Variants in QTMAN observed in about 807,000 individuals in gnomAD.
QTMAN encodes the protein tRNA-queuosine alpha-mannosyltransferase.
chr2:144,114,890 T>C, the QTMAN span, among the ~76,000 whole-genome samples: 1 of 152,184 alleles, frequency 6.6e-6, no homozygotes, highest in Non-Finnish European at 1.5e-5. Flanking sequence ...TGCAGGCATA[T>C]GTTAAGGCAG....
At chr2:144,326,480 G>A in the QTMAN span, among the ~76,000 whole-genome samples, 58 of 151,734 alleles carry the variant, frequency 3.8e-4, no homozygotes, top group African/African-American at 1.3e-3. Flanking sequence ...CCAGCTACTC[G>A]GGAGGCTGAG....
At chr2:144,179,926 A>G in the QTMAN span, among the ~76,000 whole-genome samples, 3 of 152,164 alleles carry the variant, frequency 2.0e-5, no homozygotes, top group African/African-American at 4.8e-5. Flanking sequence ...GAATAATGTC[A>G]TATGGAATTT....
the QTMAN span, among the ~76,000 whole-genome samples, chr2:144,290,095 TC>T: frequency 6.6e-6 from 1 of 151,572 alleles, no homozygotes; most frequent in African/African-American, 2.4e-5. Context: ...GTACCTCACT[TC>T]CGTTTTCTTT....
chr2:144,220,719 G>A, the QTMAN span, among the ~76,000 whole-genome samples: 6 of 152,148 alleles, frequency 3.9e-5, no homozygotes, highest in Non-Finnish European at 4.4e-5. Flanking sequence ...GGGATCATTA[G>A]TCTGTCTACT....
the QTMAN span, among the ~76,000 whole-genome samples, chr2:144,186,127 T>C: frequency 5.9e-4 from 90 of 152,326 alleles, no homozygotes; most frequent in African/African-American, 2.0e-3. Flanking sequence ...TGGGTCAATA[T>C]ATCTACTAGG....
the QTMAN span, among the ~76,000 whole-genome samples, chr2:144,037,331 T>G: frequency 6.6e-6 from 1 of 152,222 alleles, no homozygotes; most frequent in African/African-American, 2.4e-5. Context: ...AACAATTAAG[T>G]GGTAAATATT....
the QTMAN span, among the ~76,000 whole-genome samples, chr2:144,231,193 G>A: frequency 1.3e-5 from 2 of 152,034 alleles, no homozygotes; most frequent in East Asian, 3.8e-4. Context: ...GTTAAGGGAA[G>A]ATTACTCATT....
At chr2:144,102,350 T>C in the QTMAN span, among the ~76,000 whole-genome samples, 1 of 152,238 alleles carries the variant, frequency 6.6e-6, no homozygotes, top group East Asian at 1.9e-4. Flanking sequence ...AGTAAATAGA[T>C]ACAGTGTATA....
chr2:144,264,359 C>A, the QTMAN span, among the ~76,000 whole-genome samples: 1 of 152,168 alleles, frequency 6.6e-6, no homozygotes, highest in Non-Finnish European at 1.5e-5. Flanking sequence ...AAATCCTTCA[C>A]CATCTGGTTC....
chr2:144,331,257 G>A, the QTMAN span, among the ~76,000 whole-genome samples: 1 of 152,052 alleles, frequency 6.6e-6, no homozygotes, highest in African/African-American at 2.4e-5. Context: ...TTGGTATGTG[G>A]GTTCCTACAT....
the QTMAN span, among the ~76,000 whole-genome samples, chr2:143,953,053 C>CAT: frequency 6.6e-6 from 1 of 151,746 alleles, no homozygotes; most frequent in African/African-American, 2.4e-5. Context: ...GAACCAACAG[C>CAT]ATATGTTTTG....
At chr2:144,204,546 G>T in the QTMAN span, among the ~76,000 whole-genome samples, 2 of 152,214 alleles carry the variant, frequency 1.3e-5, no homozygotes, top group African/African-American at 4.8e-5. Flanking sequence ...CTGTTGTTGG[G>T]ACTGTAAGCT....
the QTMAN span, among the ~76,000 whole-genome samples, chr2:144,197,715 C>G: frequency 6.6e-6 from 1 of 152,078 alleles, no homozygotes; most frequent in Non-Finnish European, 1.5e-5. Context: ...AGTTCCTTTC[C>G]TGCCTTCCAT....
chr2:144,100,859 C>CTTTCT, the QTMAN span, among the ~76,000 whole-genome samples: 1 of 77,920 alleles, frequency 1.3e-5, no homozygotes, highest in Non-Finnish European at 2.4e-5. Context: ...GTCTTTCTTT[C>CTTTCT]TTTTTTTTTT....
At chr2:144,179,674 C>A in the QTMAN span, among the ~76,000 whole-genome samples, 2 of 152,080 alleles carry the variant, frequency 1.3e-5, no homozygotes, top group African/African-American at 4.8e-5. Flanking sequence ...AACAGAAAGG[C>A]CTAAGATCCA....
the QTMAN span, among the ~76,000 whole-genome samples, chr2:144,020,343 G>A: frequency 6.6e-6 from 1 of 152,210 alleles, no homozygotes; most frequent in Non-Finnish European, 1.5e-5. Context: ...CACACAGGCG[G>A]CTGAATATTG....
the QTMAN span, among the ~76,000 whole-genome samples, chr2:144,241,638 C>T: frequency 2.0e-5 from 3 of 152,114 alleles, no homozygotes; most frequent in African/African-American, 7.2e-5. Context: ...GCTGATCTTT[C>T]TTTTTTATTC....
the QTMAN span, among the ~76,000 whole-genome samples, chr2:143,979,808 A>C: frequency 2.0e-5 from 3 of 152,274 alleles, no homozygotes; most frequent in African/African-American, 7.2e-5. Flanking sequence ...AATTGTTTCC[A>C]ATTTTTTGAT....
At chr2:144,081,843 A>G in the QTMAN span, among the ~76,000 whole-genome samples, 4 of 152,114 alleles carry the variant, frequency 2.6e-5, no homozygotes, top group Non-Finnish European at 5.9e-5. Context: ...GCCTATCACT[A>G]TCATTTACGG....
Sources: allele counts gnomAD v4.1 joint callset (sites outside exome capture counted in the v4.1 genomes callset), GRCh38; gene constraint gnomAD v4.1.1; transcripts MANE v1.5; gene names NCBI Gene and HGNC (gene_info 2026-07-23, HGNC 2026-07-21).